The following BIRC6 variants were observed in gnomAD, a reference collection of about 807,000 sequenced individuals.
BIRC6 encodes the protein dual E2 ubiquitin-conjugating enzyme/E3 ubiquitin-protein ligase BIRC6.
In BIRC6, 98 loss-of-function variants were observed where a neutral mutation model predicts 503.3. That is an observed-to-expected ratio of 0.19 (90% CI 0.17 to 0.23). The LOEUF (loss-of-function observed/expected upper bound fraction) is 0.23. BIRC6 is among the 10% of genes least tolerant of loss of function. The pLI is 1.00. For synonymous variants in BIRC6, 2,240 were observed against 2,078.7 expected, an observed-to-expected ratio of 1.08 and a Z score of -2.11; for missense variants, 5,360 against 5,806.0, an observed-to-expected ratio of 0.92 and a Z score of 2.50.
At chr2:32,487,602 T>A in intron 40 of BIRC6, 45 bp from the exon 41 acceptor site, 1 of 1,559,702 alleles carries the variant, frequency 6.4e-7, no homozygotes, top group Middle Eastern at 1.7e-4. Flanking sequence ...TTAACACATA[T>A]CCTGATACTT....
intron 1 of BIRC6, among the ~76,000 whole-genome samples, chr2:32,372,858 A>C (rs1165513356): frequency 6.6e-6 from 1 of 152,150 alleles, no homozygotes; most frequent in East Asian, 1.9e-4. Context: ...AGAAAAAAAA[A>C]CATTTGGGTG....
At chr2:32,572,941 G>GTGA (rs2150989907) in intron 65 of BIRC6, among the ~76,000 whole-genome samples, 1 of 152,234 alleles carries the variant, frequency 6.6e-6, no homozygotes, top group East Asian at 1.9e-4. Flanking sequence ...AGGATGCTAG[G>GTGA]TGATGCCACA....
chr2:32,420,372 A>G (rs2042805527), intron 10 of BIRC6, among the ~76,000 whole-genome samples: 1 of 152,116 alleles, frequency 6.6e-6, no homozygotes, highest in Admixed American at 6.5e-5. Flanking sequence ...TTTTGAATAT[A>G]CACATTCAAT....
chr2:32,507,852 A>G (rs1041976364), intron 50 of BIRC6, 128 bp from the exon 51 acceptor site: 20 of 798,990 alleles, frequency 2.5e-5, no homozygotes, highest in African/African-American at 3.5e-5. Context: ...ATTTTGTTGT[A>G]TAAGTTTTCC....
At chr2:32,489,737 A>G (rs1376573989) in intron 42 of BIRC6, among the ~76,000 whole-genome samples, 1 of 152,142 alleles carries the variant, frequency 6.6e-6, no homozygotes, top group African/African-American at 2.4e-5. Flanking sequence ...GAGTGTGAGG[A>G]TTTTTAGTAA....
intron 71 of BIRC6, 93 bp downstream of exon 71, chr2:32,603,176 A>G: frequency 2.3e-6 from 2 of 880,570 alleles, no homozygotes; most frequent in African/African-American, 1.7e-5. Context: ...AATATAGTAA[A>G]CCTAAAAAAA....
chr2:32,379,010 G>T (rs984638411), intron 2 of BIRC6: 1 of 152,116 alleles, frequency 6.6e-6, no homozygotes, highest in African/African-American at 2.4e-5. Context: ...TATTATTTGT[G>T]TTCATGCTAA....
At chr2:32,521,651 T>C (rs1050044340) in intron 57 of BIRC6, among the ~76,000 whole-genome samples, 1 of 151,362 alleles carries the variant, frequency 6.6e-6, no homozygotes, top group African/African-American at 2.4e-5. Flanking sequence ...GTATTTTTTT[T>C]TTTTTTTTAG....
At chr2:32,421,113 T>TTTC (rs1227993452) in intron 10 of BIRC6, among the ~76,000 whole-genome samples, 66 of 135,422 alleles carry the variant, frequency 4.9e-4, no homozygotes, top group African/African-American at 1.6e-3. Flanking sequence ...TCTTTCTTTC[T>TTTC]TTTTTTTTTT....
rs369233058 is a variant in BIRC6, at chr2:32,521,115, A to AT, written c.11623+2177dup. Among the ~76,000 whole-genome samples, 9 of 151,684 alleles carry AT rather than the reference A, an allele frequency of 5.9e-5. No homozygotes were observed. The South Asian group carries it at 1.2e-3, about 21-fold the overall frequency. Reference sequence around the variant, plus strand: ...TGTGCTGAATGTAACCTACTTAGCGATTTTTTTTGGTTCTTTAAAGTGGAT... The same window carrying AT: ...TGTGCTGAATGTAACCTACTTAGCGATTTTTTTTTGGTTCTTTAAAGTGGAT... On this transcript the variant is annotated intron_variant, in intron 57 of 73. Transcript: ENST00000421745.
rs993263243 is a variant in BIRC6, at chr2:32,551,197, T to A, written c.13144+1716T>A. ...AGCTTAATATAAGTATATAAGTACA[T>A]ATATAATTAAGTAAACATAAATATA... On this transcript the variant is annotated intron_variant, in intron 65 of 73. Transcript: ENST00000421745. 2.6e-5 allele frequency among the ~76,000 whole-genome samples: 4 copies of A among 151,258 alleles called. No homozygotes were observed. In the East Asian group the frequency reaches 7.7e-4, roughly 29 times the overall value.
Position 32,439,660 on chromosome 2 carries a change from C to T in BIRC6, c.3784C>T (p.Leu1262Phe), listed in dbSNP as rs1246798103. Residue 1262 changes from leucine (L) to phenylalanine (F), a missense_variant, in exon 16 of 74, where the codon CTT becomes TTT. Leu to Phe is a conservative substitution (Grantham distance 22, BLOSUM62 0). Coordinates refer to ENST00000421745, the MANE Select transcript of BIRC6 (RefSeq NM_016252.4). The stretch of plus-strand genomic sequence containing the variant: ...TAACAAGGGTTATTCACTTGCTTCA[C>T]TTTTGGCTAAAGTTGCAGCAGGCAA... ...QSNKGYSLAS[L>F]LAKVAAGKEK... 4.3e-6 allele frequency: 7 copies of T among 1,613,602 alleles called. No homozygotes were observed. Among genetic ancestry groups the T allele is most frequent in the East Asian group, 4.5e-5 (2 of 44,868 alleles).
At chr2:32,482,780 A>T (rs1407784587) in intron 39 of BIRC6, among the ~76,000 whole-genome samples, 198 bp downstream of exon 39, 1 of 152,190 alleles carries the variant, frequency 6.6e-6, no homozygotes, top group Non-Finnish European at 1.5e-5. Context: ...TCTCTGTCAG[A>T]ATAACACCTA....
chr2:32,422,107 G>A (rs538817380), intron 10 of BIRC6, among the ~76,000 whole-genome samples: 2 of 152,078 alleles, frequency 1.3e-5, no homozygotes, highest in African/African-American at 4.8e-5. Flanking sequence ...AATCACTCTG[G>A]TTTTCTTATG....
intron 69 of BIRC6, 88 bp from the exon 70 acceptor site, chr2:32,599,651 T>G: frequency 1.4e-6 from 2 of 1,390,758 alleles, no homozygotes; most frequent in East Asian, 2.3e-5. Flanking sequence ...AAACGAAGGT[T>G]GTTCTTATTT....
chr2:32,407,988 G>T (rs974103568), intron 9 of BIRC6, among the ~76,000 whole-genome samples: 5 of 150,308 alleles, frequency 3.3e-5, no homozygotes, highest in Admixed American at 6.6e-5. Context: ...TTTTTTTTGA[G>T]ACAGAGTCTT....
rs2148133167 is a variant in BIRC6 at position 32,436,137 on chromosome 2, C to A, written c.3584C>A (p.Ser1195Ter). 6.7e-7 allele frequency: 1 copy of A among 1,492,936 alleles called. No individual in the cohort carries two copies. Among genetic ancestry groups the A allele is most frequent in the Non-Finnish European group, 9.0e-7 (1 of 1,107,306 alleles). 92.5% of individuals were successfully genotyped at this position (1,492,936 alleles called of 1,614,324 possible). A position where few individuals can be genotyped will look rare whatever the true frequency, so the allele number is the denominator to read the frequency against. ...PVWLASGLDL[S>*]GHAGMLTLTS... ...TGGCTTGCTAGTGGCCTTGATCTAT[C>A]AGGGCATGCTGGAATGTTGACGTTA... The change falls in exon 15 of 74, where the codon TCA (serine) becomes TAA (stop). Residue 1195 changes from serine to a stop codon, truncating the protein, a stop_gained. Coordinates refer to ENST00000421745, the MANE Select transcript of BIRC6 (RefSeq NM_016252.4). LOFTEE classifies it high-confidence loss of function.
At chr2:32,442,271 A>T (rs2045515674) in intron 18 of BIRC6, 45 bp downstream of exon 18, 1 of 1,606,320 alleles carries the variant, frequency 6.2e-7, no homozygotes, top group South Asian at 1.1e-5. Context: ...TGCCTTTTAG[A>T]TGTTATGATT....
intron 22 of BIRC6, among the ~76,000 whole-genome samples, chr2:32,452,341 T>C (rs1442210341): frequency 1.3e-5 from 2 of 152,164 alleles, no homozygotes; most frequent in Non-Finnish European, 2.9e-5. Flanking sequence ...TTTCATCAAA[T>C]TATGCTATTT....
Sources: allele counts gnomAD v4.1 joint callset (sites outside exome capture counted in the v4.1 genomes callset), GRCh38; gene constraint gnomAD v4.1.1; transcripts MANE v1.5; gene names NCBI Gene and HGNC (gene_info 2026-07-23, HGNC 2026-07-21).